The following TAF1B variants were observed in gnomAD, a reference collection of about 807,000 sequenced individuals.
The protein encoded by TAF1B is TATA box-binding protein-associated factor RNA polymerase I subunit B.
Under a neutral mutation model 83.9 loss-of-function variants are expected in TAF1B, and 61 were observed. The observed-to-expected ratio is 0.73, with a 90% CI of 0.59 to 0.90. TAF1B has a LOEUF of 0.90. TAF1B is among the 40% of genes least tolerant of loss of function. The pLI is 0.00. For missense variants in TAF1B, 625 were observed against 677.0 expected, an observed-to-expected ratio of 0.92 and a Z score of 0.85; for synonymous variants, 221 against 224.6, an observed-to-expected ratio of 0.98 and a Z score of 0.14.
intron 4 of TAF1B, chr2:9,852,078 A>C (rs1377397905): frequency 4.3e-6 from 2 of 468,674 alleles, no homozygotes; most frequent in Non-Finnish European, 8.9e-6. Context: ...GCGATATGCT[A>C]AACCAGTCGT....
At chr2:9,895,419 T>A (rs774318004) in intron 8 of TAF1B, among the ~76,000 whole-genome samples, 6 of 152,162 alleles carry the variant, frequency 3.9e-5, no homozygotes, top group Non-Finnish European at 7.3e-5. Flanking sequence ...GAGGATCACC[T>A]GAGCCCAGAA....
chr2:9,861,309 C>A (rs183749661), intron 5 of TAF1B, among the ~76,000 whole-genome samples: 3 of 152,264 alleles, frequency 2.0e-5, no homozygotes, highest in Admixed American at 6.5e-5. Flanking sequence ...TATCCCACAC[C>A]TGGCTTGGAG....
Position 9,849,464 on chromosome 2 carries a change from A to G in TAF1B, c.205+4A>G. On this transcript the variant is annotated splice_donor_region_variant and intron_variant, in intron 3 of 14. Coordinates refer to ENST00000263663, the MANE Select transcript of TAF1B (RefSeq NM_005680.3). ...CTTAAAAAAAAAAACAATACTGGTAAGTTCTTTCTTCATATGTACTTAACA... is the reference window on the plus strand; with the variant it reads ...CTTAAAAAAAAAAACAATACTGGTAGGTTCTTTCTTCATATGTACTTAACA... 6.5e-7 allele frequency: 1 copy of G among 1,539,834 alleles called. No individual in the cohort carries two copies. The highest frequency in any genetic ancestry group is 1.2e-5 in the South Asian group (1 of 81,710).
At chr2:9,927,665 T>G (rs963906067) in intron 14 of TAF1B, among the ~76,000 whole-genome samples, 2 of 152,272 alleles carry the variant, frequency 1.3e-5, no homozygotes, top group African/African-American at 4.8e-5. Flanking sequence ...TGCATAAATG[T>G]CTTCTTTTGA....
Position 9,931,527 on chromosome 2 carries a change from C to T in TAF1B, c.1566-2256C>T, listed in dbSNP as rs187006012. Among the ~76,000 whole-genome samples, 1,275 of 152,246 alleles carry T rather than the reference C, an allele frequency of 8.4e-3. 9 individuals are homozygous for T. The highest frequency in any genetic ancestry group is 0.017 in the Middle Eastern group (5 of 294). On this transcript the variant is annotated intron_variant, in intron 14 of 14. Coordinates refer to ENST00000263663, the MANE Select transcript of TAF1B (RefSeq NM_005680.3). ...TTCTTCTGGCTTGTAGAGTTTCTGC[C>T]GAGAGATCAGCTGTTAGTCTGATGG...
At chr2:9,915,641 A>T (rs567216130) in intron 12 of TAF1B, among the ~76,000 whole-genome samples, 2 of 152,216 alleles carry the variant, frequency 1.3e-5, no homozygotes, top group Non-Finnish European at 2.9e-5. Flanking sequence ...GATCATTCCC[A>T]GTGTGGGAAT....
intron 9 of TAF1B, 122 bp from the exon 10 acceptor site, chr2:9,910,614 A>G (rs1222101042): frequency 2.7e-6 from 2 of 750,134 alleles, no homozygotes; most frequent in Non-Finnish European, 4.0e-6. Flanking sequence ...TTTATTCACA[A>G]AATGTGGGTC....
intron 14 of TAF1B, among the ~76,000 whole-genome samples, chr2:9,922,920 T>C (rs1665921956): frequency 6.6e-6 from 1 of 152,214 alleles, no homozygotes; most frequent in South Asian, 2.1e-4. Flanking sequence ...ACCATTATTA[T>C]TTTAAACAAA....
intron 14 of TAF1B, among the ~76,000 whole-genome samples, chr2:9,931,245 G>A (rs1272785307): frequency 6.6e-6 from 1 of 152,208 alleles, no homozygotes; most frequent in Admixed American, 6.5e-5. Flanking sequence ...ATTAGTTAAT[G>A]CAGTTTCTTC....
At chr2:9,902,070 A>G (rs2125167414) in intron 8 of TAF1B, among the ~76,000 whole-genome samples, 1 of 152,290 alleles carries the variant, frequency 6.6e-6, no homozygotes, top group South Asian at 2.1e-4. Flanking sequence ...TAATACAGGG[A>G]AGATTTTAGC....
intron 5 of TAF1B, among the ~76,000 whole-genome samples, chr2:9,857,442 T>C (rs764212757): frequency 6.6e-6 from 1 of 152,162 alleles, no homozygotes; most frequent in Non-Finnish European, 1.5e-5. Context: ...ATGATGACTC[T>C]AAGGATTTTG....
chr2:9,885,469 T>G (rs936752837), intron 8 of TAF1B, among the ~76,000 whole-genome samples: 3 of 152,252 alleles, frequency 2.0e-5, no homozygotes, highest in African/African-American at 7.2e-5. Flanking sequence ...TGAGTCATTA[T>G]GAGTGATTTG....
chr2:9,920,295 A>AC (rs1665832412), intron 14 of TAF1B, among the ~76,000 whole-genome samples: 2 of 151,870 alleles, frequency 1.3e-5, no homozygotes, highest in African/African-American at 4.8e-5. Flanking sequence ...TTCTCATTAG[A>AC]CCCCCAGTGT....
At chr2:9,900,115 A>G (rs1665139300) in intron 8 of TAF1B, among the ~76,000 whole-genome samples, 1 of 152,214 alleles carries the variant, frequency 6.6e-6, no homozygotes, top group South Asian at 2.1e-4. Context: ...AATTCAGGAG[A>G]TGAAACTATA....
chr2:9,919,331 CA>C (rs1572285478), intron 13 of TAF1B, among the ~76,000 whole-genome samples: 1 of 152,146 alleles, frequency 6.6e-6, no homozygotes, highest in Non-Finnish European at 1.5e-5. Context: ...CAGTTCCTGC[CA>C]AAATCTAAAA....
At chr2:9,844,702 A>T (rs1663144424) in intron 1 of TAF1B, among the ~76,000 whole-genome samples, 1 of 152,044 alleles carries the variant, frequency 6.6e-6, no homozygotes, top group Admixed American at 6.6e-5. Context: ...ACTAGGGATC[A>T]TGTCTGGTCT....
At chr2:9,854,773 CTACT>C (rs1438920462) in intron 5 of TAF1B, among the ~76,000 whole-genome samples, 5 of 152,026 alleles carry the variant, frequency 3.3e-5, no homozygotes, top group East Asian at 3.9e-4. Flanking sequence ...CTTGGAATAC[CTACT>C]TACTTTATGT....
chr2:9,920,578 G>GA, intron 14 of TAF1B, among the ~76,000 whole-genome samples: 1 of 118,866 alleles, frequency 8.4e-6, no homozygotes, highest in Admixed American at 9.2e-5. Context: ...GTAGACTGGG[G>GA]CGGGGGGCGG....
At chr2:9,863,836 C>T (rs1467934406) in intron 5 of TAF1B, among the ~76,000 whole-genome samples, 11 of 152,146 alleles carry the variant, frequency 7.2e-5, no homozygotes, top group Non-Finnish European at 1.5e-5. Context: ...ACAACCTGTT[C>T]CCGAATGACT....
Sources: allele counts gnomAD v4.1 joint callset (sites outside exome capture counted in the v4.1 genomes callset), GRCh38; gene constraint gnomAD v4.1.1; transcripts MANE v1.5; gene names NCBI Gene and HGNC (gene_info 2026-07-23, HGNC 2026-07-21).